The following SLC34A3 variants were observed in gnomAD, a reference collection of about 807,000 sequenced individuals.
The protein encoded by SLC34A3 is sodium-dependent phosphate transport protein 2C.
In SLC34A3, 60 loss-of-function variants were observed where a neutral mutation model predicts 43.9. That is an observed-to-expected ratio of 1.37 (90% CI 1.11 to 1.70). The LOEUF (loss-of-function observed/expected upper bound fraction) is 1.70, where lower values mean the gene tolerates loss of function less well. Among genes scored for constraint, SLC34A3 ranks in the 40% most tolerant of loss-of-function variants. The pLI is 0.00. For synonymous variants in SLC34A3, 451 were observed against 386.2 expected (o/e 1.17, Z -1.97); for missense variants, 969 against 823.8 (o/e 1.18, Z -2.16).
intron 12 of SLC34A3, among the ~76,000 whole-genome samples, chr9:137,235,454 G>T (rs1363782241): frequency 6.6e-6 from 1 of 152,168 alleles, no homozygotes; most frequent in African/African-American, 2.4e-5. Context: ...CCCTCCCAGT[G>T]CAGGGTCCTG....
upstream of SLC34A3, among the ~76,000 whole-genome samples, chr9:137,230,545 C>G (rs1836155557): frequency 6.6e-6 from 1 of 152,200 alleles, no homozygotes; most frequent in African/African-American, 2.4e-5. Flanking sequence ...TCTCTCGACT[C>G]CCGGGCAGCC....
intron 3 of SLC34A3, 150 bp downstream of exon 3, chr9:137,232,311 A>G (rs1836266484): frequency 8.2e-6 from 7 of 852,924 alleles, no homozygotes; most frequent in Non-Finnish European, 1.3e-5. Flanking sequence ...GTGTCCCTCA[A>G]CCGGGTGTCT....
At position 137,234,276 on chromosome 9, in the gene SLC34A3, G is replaced by T. The variant is rs182126379; in HGVS notation, c.1093G>T (p.Asp365Tyr). The change falls in exon 10 of 13, where the codon GAC (aspartate) becomes TAC (tyrosine). Residue 365 changes from aspartate to tyrosine, a missense_variant and splice_region_variant. By Grantham distance (160) the Asp-to-Tyr change is radical. Transcript: ENST00000673835. This position sits in a 1 kb window ranked among gnomAD's most constrained non-coding sequence, Gnocchi z 6.9. ...GGTCGTGAGGACAGTCATCAATGCG[G>T]GTGAGGGCGTGGGAGGAGGTGCGGT... ...AQVVRTVINA[D>Y]FPFPLGWLGG... The T allele has an allele frequency of 1.2e-6, 2 of 1,610,570 alleles. No homozygotes were observed. Among genetic ancestry groups the T allele is most frequent in the Admixed American group, 3.3e-5 (2 of 59,926 alleles).
intron 2 of SLC34A3, 137 bp downstream of exon 2, chr9:137,231,924 C>A (rs1836242582): frequency 8.9e-7 from 1 of 1,127,344 alleles, no homozygotes; most frequent in Admixed American, 1.7e-5. Context: ...TCAGGTCCAG[C>A]CCAGCTGGAG....
At position 137,232,096 on chromosome 9, in the gene SLC34A3, T is replaced by A. The variant is rs1405145847; in HGVS notation, c.110T>A (p.Leu37Ter). Reference sequence around the variant, plus strand: ...GGGACCTCCAGTTCTGCTCCAGTCTTGGAGGAAGGGGACACAGACCCCTGG... The same window carrying A: ...GGGACCTCCAGTTCTGCTCCAGTCTAGGAGGAAGGGGACACAGACCCCTGG... The part of the protein sequence containing the change: ...NEGTSSSAPV[L>*]EEGDTDPWTL... The change falls in exon 3 of 13, where the codon TTG becomes TAG. Residue 37 changes from leucine (L) to a stop codon, truncating the protein, a stop_gained. Transcript: ENST00000673835. LOFTEE classifies it high-confidence loss of function. 1.2e-6 allele frequency: 2 copies of A among 1,613,216 alleles called. No individual in the cohort carries two copies. The highest frequency in any genetic ancestry group is 1.7e-6 in the Non-Finnish European group (2 of 1,179,998).
intron 2 of SLC34A3, 26 bp from the exon 3 acceptor site, chr9:137,232,046 A>G: frequency 1.9e-6 from 3 of 1,606,948 alleles, no homozygotes; most frequent in Non-Finnish European, 2.6e-6. Context: ...TCCTGGAAAC[A>G]GCCGTACTCA....
chr9:137,233,765 C>G, intron 8 of SLC34A3, 43 bp downstream of exon 8: 1 of 1,603,728 alleles, frequency 6.2e-7, no homozygotes, highest in Non-Finnish European at 8.5e-7. Flanking sequence ...CCCAACCTCC[C>G]ACCTGCTGAG....
chr9:137,233,002 A>G lies in SLC34A3; in HGVS notation c.449-2A>G. ...AGGCTGACTCAGCCCCCCCACCAGC[A>G]GTGCTGACTGTCCGGGTGTCTGTGC... On this transcript the variant is annotated splice_acceptor_variant, in intron 5 of 12. Transcript: ENST00000673835. LOFTEE classifies it high-confidence loss of function. 6.2e-7 allele frequency: 1 copy of G among 1,611,376 alleles called. No individual in the cohort carries two copies. The highest frequency in any genetic ancestry group is 8.5e-7 in the Non-Finnish European group (1 of 1,179,522).
At position 137,236,349 on chromosome 9, in the gene SLC34A3, C is replaced by T. The variant is rs745354215; in HGVS notation, c.1733C>T (p.Pro578Leu). 98 of 1,541,028 alleles carry T rather than the reference C, an allele frequency of 6.4e-5. No individual in the cohort carries two copies. The highest frequency in any genetic ancestry group is 6.6e-5 in the Non-Finnish European group (76 of 1,146,786). ...TGCCCCTGCAACGTCTGCAGCCCCC[C>T]GAAGGCCACCACCAAAGAGGCCTAC... Reference protein sequence around the residue: ...RCCPCNVCSPPKATTKEAYCY... With the variant: ...RCCPCNVCSPLKATTKEAYCY... The change falls in exon 13 of 13, where the codon CCG (proline) becomes CTG (leucine). Residue 578 changes from proline to leucine, a missense_variant. By Grantham distance (98) the Pro-to-Leu change is moderately conservative. Transcript: ENST00000673835.
Position 137,234,129 on chromosome 9 carries a change from A to G in SLC34A3, c.946A>G (p.Thr316Ala). ...RLPCRHLFAG[T>A]ELTDLAVGCI... ...CCCAGGCCGCCACCTGTTTGCGGGCACGGAGCTCACGGACCTGGCCGTGGG... is the reference window on the plus strand; with the variant it reads ...CCCAGGCCGCCACCTGTTTGCGGGCGCGGAGCTCACGGACCTGGCCGTGGG... The change falls in exon 10 of 13, where the codon ACG (threonine) becomes GCG (alanine). Residue 316 changes from threonine (T) to alanine (A), a missense_variant. By Grantham distance (58) the Thr-to-Ala change is moderately conservative. Transcript: ENST00000673835. The surrounding 1 kb of genome is among the most constrained non-coding windows in gnomAD (Gnocchi z 6.9). 6.4e-7 allele frequency: 1 copy of G among 1,555,574 alleles called. No individual in the cohort carries two copies. Among genetic ancestry groups the G allele is most frequent in the Non-Finnish European group, 8.7e-7 (1 of 1,155,546 alleles).
rs774385997 is a variant in SLC34A3, at chr9:137,234,140, G to T, written c.957G>T (p.Thr319=). 1.3e-6 allele frequency: 2 copies of T among 1,592,986 alleles called. No homozygotes were observed. Among genetic ancestry groups the T allele is most frequent in the Non-Finnish European group, 1.7e-6 (2 of 1,176,000 alleles). The change falls in exon 10 of 13, where the codon ACG becomes ACT. Residue 319 remains threonine (T), a synonymous_variant. Transcript: ENST00000673835. The surrounding 1 kb of genome is among the most constrained non-coding windows in gnomAD (Gnocchi z 6.9). The stretch of plus-strand genomic sequence containing the variant: ...ACCTGTTTGCGGGCACGGAGCTCAC[G>T]GACCTGGCCGTGGGCTGCATCCTGC... The part of the protein sequence containing the change: ...CRHLFAGTEL[T]DLAVGCILLA...
chr9:137,234,182 G>T lies in SLC34A3; in HGVS notation c.999G>T (p.Leu333=). ...GCATCCTGCTGGCCGGCTCCCTGCT[G>T]GTGCTCTGCGGCTGCCTGGTCCTCA... ...VGCILLAGSL[L]VLCGCLVLIV... is the part of the protein sequence containing the mutation. Residue 333 remains leucine (L), a synonymous_variant, in exon 10 of 13, where the codon CTG becomes CTT. Coordinates refer to ENST00000673835, the MANE Select transcript of SLC34A3 (RefSeq NM_001177316.2). The surrounding 1 kb of genome is among the most constrained non-coding windows in gnomAD (Gnocchi z 6.9). The T allele has an allele frequency of 6.2e-7, 1 of 1,605,542 alleles. No individual in the cohort carries two copies. The highest frequency in any genetic ancestry group is 8.5e-7 in the Non-Finnish European group (1 of 1,178,210).
rs1564419014 is a variant in SLC34A3, at chr9:137,233,795, C to T, written c.847-68C>T. 3.3e-6 allele frequency: 5 copies of T among 1,524,514 alleles called. No individual in the cohort carries two copies. The South Asian group carries it at 4.6e-5, about 14-fold the overall frequency. The allele number at this position is 1,524,514 out of a possible 1,614,324, so 94.4% of individuals were successfully genotyped here. A position where few individuals can be genotyped will look rare whatever the true frequency, so the allele number is the denominator to read the frequency against. ...GCTGAGTCATCCCGCCCCACCCACC[C>T]TCACCTCGAGCCCTCTGACCTCTGT... On this transcript the variant is annotated intron_variant, in intron 8 of 12. Transcript: ENST00000673835.
chr9:137,235,984 C>G lies in SLC34A3; in HGVS notation c.1368C>G (p.Ala456=). ...VALIHFFFNL[A]GILLWYLVPA... is the part of the protein sequence containing the mutation. ...TCATCCACTTCTTCTTCAACCTGGCCGGCATCCTGCTGTGGTACCTGGTGC... is the reference window on the plus strand; with the variant it reads ...TCATCCACTTCTTCTTCAACCTGGCGGGCATCCTGCTGTGGTACCTGGTGC... Residue 456 remains alanine (A), a synonymous_variant, in exon 13 of 13, where the codon GCC becomes GCG. Coordinates refer to ENST00000673835, the MANE Select transcript of SLC34A3 (RefSeq NM_001177316.2). 6.2e-7 allele frequency: 1 copy of G among 1,612,526 alleles called. No homozygotes were observed. The highest frequency in any genetic ancestry group is 8.5e-7 in the Non-Finnish European group (1 of 1,179,882).
rs1381771763 is a variant in SLC34A3 at position 137,236,480 on chromosome 9, G to T, written c.*64G>T. The T allele has an allele frequency of 2.1e-6, 3 of 1,396,734 alleles. No individual in the cohort carries two copies. The highest frequency in any genetic ancestry group is 2.5e-5 in the East Asian group (1 of 40,308). 86.5% of individuals were successfully genotyped at this position (1,396,734 alleles called of 1,614,324 possible). A position where few individuals can be genotyped will look rare whatever the true frequency, so the allele number is the denominator to read the frequency against. Reference sequence around the variant, plus strand: ...TGGGAGGGCTCTGGAGGGCCCTGGAGGGGGGGTCCCCGCGGCAGCTGACCT... The same window carrying T: ...TGGGAGGGCTCTGGAGGGCCCTGGATGGGGGGTCCCCGCGGCAGCTGACCT... On this transcript the variant is annotated 3_prime_UTR_variant, in exon 13 of 13. Transcript: ENST00000673835.
intron 8 of SLC34A3, 57 bp downstream of exon 8, chr9:137,233,779 T>TGCCCCCCCCCCCCCCC: frequency 2.1e-6 from 3 of 1,445,826 alleles, no homozygotes; most frequent in South Asian, 1.2e-5. Context: ...TGCTGAGTCA[T>TGCCCCCCCCCCCCCCC]CCCGCCCCAC....
rs757499807 is a variant in SLC34A3 at position 137,232,622 on chromosome 9, A to C, written c.223A>C (p.Lys75Gln). The change falls in exon 4 of 13, where the codon AAG becomes CAG. Residue 75 changes from lysine (K) to glutamine (Q), a missense_variant. Physicochemically the swap from Lys to Gln is moderately conservative, Grantham distance 53. Transcript: ENST00000673835. ...RLRRVAGSVL[K>Q]ACGLLGSLYF... ...GCGCCGCGTGGCCGGCAGCGTCCTC[A>C]AGGCCTGCGGGCTCCTCGGCAGCCT... 3.1e-6 allele frequency: 5 copies of C among 1,612,454 alleles called. No individual in the cohort carries two copies. In the South Asian group the frequency reaches 5.5e-5, roughly 18 times the overall value.
In SLC34A3 at chr9:137,233,113, GA is replaced by G. The variant is rs1172720675; in HGVS notation, c.559del (p.Arg187GlyfsTer33). ...AGTCAGGGGACCGGGATGAATTTCA[GA>G]GGTGAGTTGTGGGTGGAAGGGCTGG... The part of the protein sequence containing the change: ...AQSGDRDEFQ[R>X]AFSGSAVHGI... On this transcript the variant is annotated frameshift_variant and splice_region_variant, in exon 6 of 13. Coordinates refer to ENST00000673835, the MANE Select transcript of SLC34A3 (RefSeq NM_001177316.2). LOFTEE classifies it high-confidence loss of function. 6.2e-7 allele frequency: 1 copy of G among 1,609,372 alleles called. No individual in the cohort carries two copies. The highest frequency in any genetic ancestry group is 8.5e-7 in the Non-Finnish European group (1 of 1,179,172).
Position 137,233,030 on chromosome 9 carries a change from A to G in SLC34A3, c.475A>G (p.Ile159Val), listed in dbSNP as rs776986356. Reference protein sequence around the residue: ...KLLTVRVSVPIIMGVNVGTSI... With the variant: ...KLLTVRVSVPVIMGVNVGTSI... ...GCTGACTGTCCGGGTGTCTGTGCCC[A>G]TCATCATGGGTGTCAACGTAGGCAC... The change falls in exon 6 of 13, where the codon ATC becomes GTC. Residue 159 changes from isoleucine (I) to valine (V), a missense_variant. By Grantham distance (29) the Ile-to-Val change is conservative. Transcript: ENST00000673835. 1.2e-6 allele frequency: 2 copies of G among 1,611,946 alleles called. No homozygotes were observed. The highest frequency in any genetic ancestry group is 2.2e-5 in the East Asian group (1 of 44,864).
Sources: gnomAD v4.1 joint callset for allele counts (sites outside exome capture counted in the v4.1 genomes callset) on GRCh38, gnomAD v4.1.1 for gene constraint, Gnocchi (gnomAD v3.1) non-coding constraint, MANE v1.5 for transcripts, NCBI Gene and HGNC (gene_info 2026-07-23, HGNC 2026-07-21) for gene names.